The following PDGFRA variants were observed in gnomAD, a reference collection of about 807,000 sequenced individuals.
PDGFRA encodes the protein platelet-derived growth factor receptor alpha.
Under a neutral mutation model 121.5 loss-of-function variants are expected in PDGFRA, and 25 were observed. That is an observed-to-expected ratio of 0.21 (90% confidence interval 0.15 to 0.29). The LOEUF (loss-of-function observed/expected upper bound fraction) is 0.29. PDGFRA is among the 10% of genes least tolerant of loss of function. The pLI is 1.00. For synonymous variants in PDGFRA, 463 were observed against 494.8 expected (o/e 0.94, Z 0.85); for missense variants, 1,008 against 1,345.1 (o/e 0.75, Z 3.92).
chr4:54,235,192 G>A (rs1191644989), intron 1 of PDGFRA, among the ~76,000 whole-genome samples: 1 of 152,210 alleles, frequency 6.6e-6, no homozygotes, highest in Non-Finnish European at 1.5e-5. Flanking sequence ...AATTAACTGA[G>A]CCTCGGAAAT....
intron 11 of PDGFRA, 99 bp from the exon 12 acceptor site, chr4:54,274,742 G>C (rs2110298234): frequency 6.8e-7 from 1 of 1,481,406 alleles, no homozygotes; most frequent in Non-Finnish European, 9.4e-7. Flanking sequence ...AGTGAACGTT[G>C]TTGGACTCTA....
intron 1 of PDGFRA, among the ~76,000 whole-genome samples, chr4:54,251,151 T>C (rs1722037923): frequency 6.6e-6 from 1 of 151,550 alleles, no homozygotes; most frequent in Non-Finnish European, 1.5e-5. Flanking sequence ...AGGATTCTCA[T>C]AGAAACTTAA....
chr4:54,285,811 T>G (rs1184389770), intron 17 of PDGFRA, 30 bp from the exon 18 acceptor site: 1 of 1,613,128 alleles, frequency 6.2e-7, no homozygotes, highest in Non-Finnish European at 8.5e-7. Flanking sequence ...GATGGCTTGA[T>G]CCTGAGTCAT....
chr4:54,271,974 TCCCCTCCCCCTCCCCTCCCCCCTC>T (rs1200648368), intron 8 of PDGFRA, among the ~76,000 whole-genome samples: 2,351 of 5,018 alleles, frequency 0.47, 330 homozygotes, highest in African/African-American at 0.56. Flanking sequence ...CCCTCCCCCC[TCCCCTCCCCCTCCCCTCCCCCCTC>T]CCCCCCTCCC....
At chr4:54,263,015 C>T (rs574721412) in intron 3 of PDGFRA, among the ~76,000 whole-genome samples, 6 of 152,276 alleles carry the variant, frequency 3.9e-5, no homozygotes, top group South Asian at 2.1e-4. Flanking sequence ...TTCTTACCAC[C>T]GTAGCTTAAG....
At chr4:54,232,338 G>C (rs1435004467) in intron 1 of PDGFRA, among the ~76,000 whole-genome samples, 2 of 152,198 alleles carry the variant, frequency 1.3e-5, no homozygotes, top group Non-Finnish European at 2.9e-5. Context: ...GATGGTTGTC[G>C]TTTGCTGAAG....
Position 54,290,293 on chromosome 4 carries a change from T to G in PDGFRA, c.2881-20T>G, listed in dbSNP as rs763523429. ...TTGGTTGTTAACACTTGATTAAATA[T>G]GTTCAATGAATGTTTATAGAGTTAT... On this transcript the variant is annotated intron_variant, in intron 21 of 22. Transcript: ENST00000257290. 9 of 1,593,210 alleles carry G rather than the reference T, an allele frequency of 5.6e-6. No homozygotes were observed. The highest frequency in any genetic ancestry group is 7.8e-6 in the Non-Finnish European group (9 of 1,161,074).
chr4:54,239,630 A>G (rs62299372), intron 1 of PDGFRA, among the ~76,000 whole-genome samples: 4,416 of 152,110 alleles, frequency 0.029, 77 homozygotes, highest in Middle Eastern at 0.044. Context: ...TTTCTCTTCA[A>G]TTTTGGCTCC....
intron 1 of PDGFRA, among the ~76,000 whole-genome samples, chr4:54,235,294 A>C (rs1427608159): frequency 6.6e-6 from 1 of 152,176 alleles, no homozygotes; most frequent in African/African-American, 2.4e-5. Flanking sequence ...TTCAATATTC[A>C]GTGGTTCTGC....
At position 54,296,536 on chromosome 4, in the gene PDGFRA, A is replaced by G. The variant is rs1044930278; in HGVS notation, c.*1264A>G. The G allele has an allele frequency of 4.3e-6, 1 of 232,474 alleles. No individual in the cohort carries two copies. Among genetic ancestry groups the G allele is most frequent in the African/African-American group, 2.2e-5 (1 of 45,240 alleles). 14.4% of individuals were successfully genotyped at this position (232,474 alleles called of 1,614,324 possible). A position where few individuals can be genotyped will look rare whatever the true frequency, so the allele number is the denominator to read the frequency against. The stretch of plus-strand genomic sequence containing the variant: ...GTTTGAAACTCGAGACCATAAAGAT[A>G]TTCTTTAGTGGAGGCTGGATGTGCA... On this transcript the variant is annotated 3_prime_UTR_variant, in exon 23 of 23. Transcript: ENST00000257290.
chr4:54,238,652 T>C (rs981247789), intron 1 of PDGFRA, among the ~76,000 whole-genome samples: 1 of 152,010 alleles, frequency 6.6e-6, no homozygotes, highest in African/African-American at 2.4e-5. Flanking sequence ...TAGATACAGG[T>C]CATAAAGACC....
intron 22 of PDGFRA, among the ~76,000 whole-genome samples, chr4:54,291,855 A>T (rs972997698): frequency 6.6e-6 from 1 of 152,114 alleles, no homozygotes; most frequent in Non-Finnish European, 1.5e-5. Context: ...TATTCACGAT[A>T]GCAAAGACAT....
chr4:54,258,693 G>A lies in PDGFRA; in HGVS notation c.-12-64G>A, dbSNP rs1722510263. On this transcript the variant is annotated intron_variant, in intron 1 of 22. Transcript: ENST00000257290. ...TTTTCTGTTGTGCAAAACACAAAGA[G>A]AACTAGGCTCCAGGGTTGTTTCTAT... is the stretch of plus-strand genomic sequence containing the variant. The A allele has an allele frequency of 4.1e-6, 4 of 965,860 alleles. No homozygotes were observed. The African/African-American group carries it at 6.4e-5, about 15-fold the overall frequency. 59.8% of individuals were successfully genotyped at this position (965,860 alleles called of 1,614,324 possible).
chr4:54,278,364 C>T lies in PDGFRA; in HGVS notation c.2005C>T (p.Pro669Ser), dbSNP rs768124156. 6.2e-7 allele frequency: 1 copy of T among 1,613,228 alleles called. No individual in the cohort carries two copies. The highest frequency in any genetic ancestry group is 8.5e-7 in the Non-Finnish European group (1 of 1,179,482). ...CCTAACGGCTTTTGTCCCCATAGGCCCCATTTACATCATCACAGAGTATTG... is the reference window on the plus strand; with the variant it reads ...CCTAACGGCTTTTGTCCCCATAGGCTCCATTTACATCATCACAGAGTATTG... ...NLLGACTKSG[P>S]IYIITEYCFY... Residue 669 changes from proline (P) to serine (S), a missense_variant and splice_region_variant, in exon 15 of 23, where the codon CCC (proline) becomes TCC (serine). Around this residue, in one of 5 missense-constraint regions of PDGFRA, gnomAD observed 61 missense variants for 125.3 expected, o/e 0.49. Transcript: ENST00000257290.
At position 54,284,879 on chromosome 4, in the gene PDGFRA, C is replaced by CTTTTTTT. The variant is rs5858264; in HGVS notation, c.2324-476_2324-470dup. ...CTTTCCTTTCTTTCATTCTTTCTAT[C>CTTTTTTT]TTTTTTTTTTTTTTTTTTTTTTGAG... On this transcript the variant is annotated intron_variant, in intron 16 of 22. Coordinates refer to ENST00000257290, the MANE Select transcript of PDGFRA (RefSeq NM_006206.6). 4.4e-3 allele frequency among the ~76,000 whole-genome samples: 446 copies of CTTTTTTT among 101,234 alleles called. 37 individuals carry two copies. Among genetic ancestry groups the CTTTTTTT allele is most frequent in the Non-Finnish European group, 5.3e-3 (289 of 54,198 alleles). 66.4% of individuals were successfully genotyped at this position (101,234 alleles called of 152,430 possible). A position where few individuals can be genotyped will look rare whatever the true frequency, so the allele number is the denominator to read the frequency against.
In PDGFRA at chr4:54,263,902, C is replaced by T. The variant is rs1060504248; in HGVS notation, c.603C>T (p.Ile201=). 1.2e-6 allele frequency: 2 copies of T among 1,613,804 alleles called. No homozygotes were observed. Among genetic ancestry groups the T allele is most frequent in the Non-Finnish European group, 1.7e-6 (2 of 1,179,942 alleles). ...ATVKGKKFQT[I]PFNVYALKAT... ...TCAAAGGAAAGAAGTTCCAGACCAT[C>T]CCATTTAATGTTTATGCTTTAAAAG... The change falls in exon 4 of 23, where the codon ATC becomes ATT. Residue 201 remains isoleucine, a synonymous_variant. Coordinates refer to ENST00000257290, the MANE Select transcript of PDGFRA (RefSeq NM_006206.6).
In PDGFRA at chr4:54,296,475, G is replaced by A. The variant is rs1282318969; in HGVS notation, c.*1203G>A. ...GGGTCAGAAGGATGCCCAGACATCA[G>A]CCTCCTTCTTTCACCCCTTACCCCA... is the stretch of plus-strand genomic sequence containing the variant. On this transcript the variant is annotated 3_prime_UTR_variant, in exon 23 of 23. Coordinates refer to ENST00000257290, the MANE Select transcript of PDGFRA (RefSeq NM_006206.6). 4 of 218,238 alleles carry A rather than the reference G, an allele frequency of 1.8e-5. No homozygotes were observed. Among genetic ancestry groups the A allele is most frequent in the Middle Eastern group, 2.8e-3 (2 of 718 alleles). The allele number at this position is 218,238 out of a possible 1,614,324, so 13.5% of individuals were successfully genotyped here.
rs1183468947 is a variant in PDGFRA, at chr4:54,284,882, T to C, written c.2324-489T>C. On this transcript the variant is annotated intron_variant, in intron 16 of 22. Transcript: ENST00000257290. ...TCCTTTCTTTCATTCTTTCTATCTT[T>C]TTTTTTTTTTTTTTTTTTTGAGACA... 7.0e-5 allele frequency among the ~76,000 whole-genome samples: 9 copies of C among 129,366 alleles called. 2 individuals are homozygous for C. The highest frequency in any genetic ancestry group is 8.3e-5 in the Non-Finnish European group (5 of 60,178). 84.9% of individuals were successfully genotyped at this position (129,366 alleles called of 152,430 possible).
intron 1 of PDGFRA, among the ~76,000 whole-genome samples, chr4:54,256,441 T>C (rs1722375684): frequency 6.6e-6 from 1 of 151,876 alleles, no homozygotes; most frequent in African/African-American, 2.4e-5. Context: ...TTTCACCATG[T>C]TGGCCAGGCT....
Sources: allele counts gnomAD v4.1 joint callset (sites outside exome capture counted in the v4.1 genomes callset), GRCh38; gene constraint gnomAD v4.1.1; regional missense constraint gnomAD v4.1.1; transcripts MANE v1.5; gene names NCBI Gene and HGNC (gene_info 2026-07-23, HGNC 2026-07-21).